NLRP9: variants seen among roughly 807,000 people sequenced by gnomAD.
The protein encoded by NLRP9 is NLR family pyrin domain containing 9, also known as NACHT, LRR and PYD domains-containing protein 9.
A neutral mutation model predicts 83.1 loss-of-function variants in NLRP9; 88 were observed. The ratio of observed to expected loss-of-function variants is 1.06; its 90% CI spans 0.89 to 1.26. The LOEUF is 1.26. Ranked by LOEUF, NLRP9 falls within the 50% of genes most tolerant of loss-of-function variation. NLRP9 has a pLI of 0.00. For synonymous variants in NLRP9, 521 were observed against 447.6 expected, an observed-to-expected ratio of 1.16 and a Z score of -2.07; for missense variants, 1,308 against 1,179.3, an observed-to-expected ratio of 1.11 and a Z score of -1.60.
At chr19:55,725,996 A>G (rs1988390444) in intron 3 of NLRP9, among the ~76,000 whole-genome samples, 1 of 152,072 alleles carries the variant, frequency 6.6e-6, no homozygotes, top group African/African-American at 2.4e-5. Flanking sequence ...ATTGCACTCC[A>G]GCCTAGGGGA....
chr19:55,716,643 G>A, intron 5 of NLRP9, 85 bp downstream of exon 5: 2 of 1,134,830 alleles, frequency 1.8e-6, no homozygotes, highest in East Asian at 4.7e-5. Flanking sequence ...GCACCCCTCA[G>A]TGAGCACCGC....
chr19:55,727,572 G>A (rs999524175), intron 3 of NLRP9, among the ~76,000 whole-genome samples: 4 of 152,044 alleles, frequency 2.6e-5, no homozygotes, highest in African/African-American at 7.2e-5. Flanking sequence ...CTGCTTATGC[G>A]TTATAATCAA....
At chr19:55,723,070 A>C (rs914948788) in intron 4 of NLRP9, among the ~76,000 whole-genome samples, 1 of 152,140 alleles carries the variant, frequency 6.6e-6, no homozygotes, top group Non-Finnish European at 1.5e-5. Context: ...GGGTACAGCA[A>C]ACCAACATGG....
In NLRP9 at chr19:55,734,600, CACAT is replaced by C. The variant is rs1988727775; in HGVS notation, c.281-1054_281-1051del. On this transcript the variant is annotated intron_variant, in intron 1 of 8. Coordinates refer to ENST00000332836, the MANE Select transcript of NLRP9 (RefSeq NM_176820.4). Reference sequence around the variant, plus strand: ...ATACATATATACACATATATACATACACATACACACACACACACACATATATATA... The same window carrying C: ...ATACATATATACACATATATACATACACACACACACACACACATATATATA... Among the ~76,000 whole-genome samples the C allele has an allele frequency of 3.9e-5, 5 of 129,168 alleles. No individual in the cohort carries two copies. The South Asian group carries it at 9.8e-4, about 25-fold the overall frequency. The allele number at this position is 129,168 out of a possible 152,430, so 84.7% of individuals were successfully genotyped here.
intron 2 of NLRP9, among the ~76,000 whole-genome samples, chr19:55,731,141 T>C (rs529304016): frequency 1.3e-5 from 2 of 152,060 alleles, no homozygotes; most frequent in African/African-American, 2.4e-5. Context: ...AATGTTATCA[T>C]GAACAGCAGC....
chr19:55,716,704 C>A (rs368810625), intron 5 of NLRP9, 24 bp downstream of exon 5: 12 of 1,604,658 alleles, frequency 7.5e-6, no homozygotes, highest in East Asian at 6.7e-5. Context: ...AATCTCCGAA[C>A]GTGCTTCCCG....
rs368572450 is a variant in NLRP9 at position 55,710,169 on chromosome 19, G to A, written c.2844-1125C>T. Among the ~76,000 whole-genome samples, 145 of 152,306 alleles carry A rather than the reference G, an allele frequency of 9.5e-4. 1 individual carries two copies. Among genetic ancestry groups the A allele is most frequent in the South Asian group, 5.8e-3 (28 of 4,830 alleles). ...TGCTCTGAATGCTTGCTACTGTGGAGATGACATGTTTTGGGTGTGGGGATG... is the reference window on the plus strand; with the variant it reads ...TGCTCTGAATGCTTGCTACTGTGGAAATGACATGTTTTGGGTGTGGGGATG... On this transcript the variant is annotated intron_variant, in intron 8 of 8. Transcript: ENST00000332836.
At chr19:55,733,713 A>G (rs1988681001) in intron 1 of NLRP9, among the ~76,000 whole-genome samples, 163 bp from the exon 2 acceptor site, 1 of 152,072 alleles carries the variant, frequency 6.6e-6, no homozygotes, top group Non-Finnish European at 1.5e-5. Flanking sequence ...CATGATGGGA[A>G]GTGGGGGTCA....
intron 4 of NLRP9, among the ~76,000 whole-genome samples, chr19:55,721,187 T>C (rs944639721): frequency 1.1e-4 from 16 of 152,246 alleles, no homozygotes; most frequent in African/African-American, 3.9e-4. Context: ...AAGAATGCAC[T>C]ATTGTTATGT....
chr19:55,734,006 T>C (rs2122336789), intron 1 of NLRP9, among the ~76,000 whole-genome samples: 1 of 145,322 alleles, frequency 6.9e-6, no homozygotes, highest in East Asian at 2.1e-4. Context: ...CACTGCAAGC[T>C]CCGCCTCCCG....
chr19:55,737,745 AAAAAAAAAAAAAAAAG>A (rs556057487), intron 1 of NLRP9: 31 of 184,418 alleles, frequency 1.7e-4, no homozygotes, highest in Non-Finnish European at 3.1e-4. Context: ...AAAAAAAAAA[AAAAAAAAAAAAAAAAG>A]ATAGGCAACT....
At chr19:55,716,262 T>C (rs868718179) in intron 5 of NLRP9, among the ~76,000 whole-genome samples, 14 of 147,786 alleles carry the variant, frequency 9.5e-5, no homozygotes, top group East Asian at 5.9e-4. Context: ...ATTTTCTTTT[T>C]TTTTTTTTTT....
At chr19:55,723,883 CT>C (rs1259836980) in intron 4 of NLRP9, 96 bp downstream of exon 4, 2 of 887,608 alleles carry the variant, frequency 2.3e-6, no homozygotes, top group African/African-American at 3.3e-5. Flanking sequence ...GAGATGAAGG[CT>C]GATGCAATGA....
At chr19:55,734,373 A>AG (rs1988715936) in intron 1 of NLRP9, among the ~76,000 whole-genome samples, 1 of 123,630 alleles carries the variant, frequency 8.1e-6, no homozygotes, top group Admixed American at 7.6e-5. Flanking sequence ...CAAAAAAAAA[A>AG]AAAAAAAAAA....
At chr19:55,725,033 T>C (rs1389230072) in intron 3 of NLRP9, among the ~76,000 whole-genome samples, 2 of 152,176 alleles carry the variant, frequency 1.3e-5, no homozygotes, top group Non-Finnish European at 2.9e-5. Flanking sequence ...CACTCCAGCC[T>C]GGGCAACAAG....
At chr19:55,728,531 C>CAA (rs1297763084) in intron 3 of NLRP9, among the ~76,000 whole-genome samples, 1 of 152,100 alleles carries the variant, frequency 6.6e-6, no homozygotes, top group Admixed American at 6.6e-5. Context: ...GAGATCATTC[C>CAA]ACTGCACTCC....
rs143649027 is a variant in NLRP9, at chr19:55,720,789, G to T, written c.2159+3191C>A. Among the ~76,000 whole-genome samples the T allele has an allele frequency of 4.0e-3, 609 of 152,210 alleles. 6 individuals are homozygous for T. The highest frequency in any genetic ancestry group is 0.02 in the Middle Eastern group (6 of 294). On this transcript the variant is annotated intron_variant, in intron 4 of 8. Transcript: ENST00000332836. ...ATGTATTTGACCTAGGATTCATTCC[G>T]CAATATAAGAAAAACACCTGTCAAT... is the stretch of plus-strand genomic sequence containing the variant.
intron 8 of NLRP9, among the ~76,000 whole-genome samples, chr19:55,710,207 A>G (rs959673474): frequency 6.6e-6 from 1 of 152,080 alleles, no homozygotes; most frequent in African/African-American, 2.4e-5. Flanking sequence ...GGTTGAAGAG[A>G]AGGGAGACAT....
intron 4 of NLRP9, 121 bp from the exon 5 acceptor site, chr19:55,717,019 T>C: frequency 1.7e-6 from 1 of 584,776 alleles, no homozygotes; most frequent in East Asian, 3.0e-5. Context: ...TTATCTACAC[T>C]ACAGACTCTT....
Sources: allele counts gnomAD v4.1 joint callset (sites outside exome capture counted in the v4.1 genomes callset), GRCh38; gene constraint gnomAD v4.1.1; transcripts MANE v1.5; gene names NCBI Gene and HGNC (gene_info 2026-07-23, HGNC 2026-07-21).